NDUFAF2: variants seen among roughly 807,000 people sequenced by gnomAD.
The protein encoded by NDUFAF2 is NADH dehydrogenase [ubiquinone] 1 alpha subcomplex assembly factor 2.
Under a neutral mutation model 22.8 loss-of-function variants are expected in NDUFAF2, and 13 were observed. That is an observed-to-expected ratio of 0.57 (90% CI 0.37 to 0.91). The LOEUF (loss-of-function observed/expected upper bound fraction) is 0.91, where lower values mean the gene tolerates loss of function less well. NDUFAF2 is among the 40% of genes least tolerant of loss of function. The probability of loss-of-function intolerance (pLI) is 0.01; values close to 1 mark genes in which losing one functional copy is unlikely to be tolerated. For synonymous variants in NDUFAF2, 53 were observed against 64.2 expected (o/e 0.83, Z 0.84); for missense variants, 162 against 195.2 (o/e 0.83, Z 1.01).
At chr5:61,133,603 T>C (rs1753139494) in intron 3 of NDUFAF2, among the ~76,000 whole-genome samples, 1 of 152,230 alleles carries the variant, frequency 6.6e-6, no homozygotes, top group Non-Finnish European at 1.5e-5. Context: ...CCTTTATTAA[T>C]GATGGAATAT....
At chr5:61,096,121 A>G (rs1188373355) in intron 2 of NDUFAF2, among the ~76,000 whole-genome samples, 1 of 147,080 alleles carries the variant, frequency 6.8e-6, no homozygotes, top group Non-Finnish European at 1.5e-5. Flanking sequence ...AATAAAGATC[A>G]AAATCCTGAT....
chr5:60,945,564 G>C, intron 1 of NDUFAF2, 182 bp downstream of exon 1: 4 of 942,836 alleles, frequency 4.2e-6, no homozygotes, highest in Non-Finnish European at 6.5e-6. Flanking sequence ...GCCCTACCCG[G>C]CCCGGCTCTG....
intron 3 of NDUFAF2, among the ~76,000 whole-genome samples, chr5:61,126,965 TCCCACAGA>T (rs1289941435): frequency 3.3e-5 from 5 of 151,956 alleles, no homozygotes; most frequent in African/African-American, 1.2e-4. Context: ...TCACCACCGA[TCCCACAGA>T]AATACAAACT....
In NDUFAF2 at chr5:60,945,688, G is replaced by C. The variant is rs551527075; in HGVS notation, c.127+306G>C. 3.3e-5 allele frequency among the ~76,000 whole-genome samples: 5 copies of C among 152,322 alleles called. No homozygotes were observed. The East Asian group carries it at 9.7e-4, about 29-fold the overall frequency. On this transcript the variant is annotated intron_variant, in intron 1 of 3. Coordinates refer to ENST00000296597, the MANE Select transcript of NDUFAF2 (RefSeq NM_174889.5). ...GCACCACCACTTTCCTCCCAGCCAC[G>C]CCTGTAGAGGAGCCTCAGTTTTAGC...
At chr5:61,104,868 C>T (rs999063860) in intron 3 of NDUFAF2, among the ~76,000 whole-genome samples, 2 of 151,980 alleles carry the variant, frequency 1.3e-5, no homozygotes, top group Admixed American at 1.3e-4. Flanking sequence ...TTTCATGTTG[C>T]ATTCACCTTA....
chr5:61,012,372 G>A (rs992898412), intron 1 of NDUFAF2, among the ~76,000 whole-genome samples: 8 of 151,884 alleles, frequency 5.3e-5, no homozygotes, highest in Admixed American at 2.6e-4. Flanking sequence ...AATGAATTTT[G>A]TTGTTTCTTC....
intron 1 of NDUFAF2, among the ~76,000 whole-genome samples, chr5:60,951,751 C>T (rs1380756551): frequency 6.6e-6 from 1 of 151,878 alleles, no homozygotes; most frequent in East Asian, 1.9e-4. Flanking sequence ...TTTCTGGAAG[C>T]GTTTGTGAAG....
intron 3 of NDUFAF2, among the ~76,000 whole-genome samples, chr5:61,142,377 AAACTT>A (rs1219043393): frequency 6.6e-6 from 1 of 152,200 alleles, no homozygotes; most frequent in Non-Finnish European, 1.5e-5. Flanking sequence ...CAAAGAAAGA[AAACTT>A]AATGCCAGAA....
At position 61,117,720 on chromosome 5, in the gene NDUFAF2, T is replaced by C. The variant is rs570005156; in HGVS notation, c.258+18688T>C. On this transcript the variant is annotated intron_variant, in intron 3 of 3. Coordinates refer to ENST00000296597, the MANE Select transcript of NDUFAF2 (RefSeq NM_174889.5). Reference sequence around the variant, plus strand: ...GTTAAAAAGCACATATACAATGATATGGATGAGCAGTGGCAATTTTTTTCG... The same window carrying C: ...GTTAAAAAGCACATATACAATGATACGGATGAGCAGTGGCAATTTTTTTCG... Among the ~76,000 whole-genome samples, 22 of 152,218 alleles carry C rather than the reference T, an allele frequency of 1.4e-4. No individual in the cohort carries two copies. In the South Asian group the frequency reaches 3.5e-3, roughly 24 times the overall value.
intron 1 of NDUFAF2, among the ~76,000 whole-genome samples, chr5:60,975,584 A>C (rs775190973): frequency 3.3e-5 from 5 of 152,306 alleles, no homozygotes; most frequent in Middle Eastern, 3.4e-3. Context: ...ACTAGATGAG[A>C]TCTCCTACAG....
At chr5:61,038,088 A>AGAGAG (rs1561547893) in intron 1 of NDUFAF2, among the ~76,000 whole-genome samples, 1,005 of 77,806 alleles carry the variant, frequency 0.013, 32 homozygotes, top group African/African-American at 0.05. Context: ...GAGGCGGGGG[A>AGAGAG]AGAGAGAGAG....
chr5:61,082,129 A>AG (rs1752451154), intron 2 of NDUFAF2, among the ~76,000 whole-genome samples: 1 of 152,218 alleles, frequency 6.6e-6, no homozygotes, highest in Non-Finnish European at 1.5e-5. Context: ...GATTCACAGG[A>AG]GAAAAAAAAT....
intron 3 of NDUFAF2, among the ~76,000 whole-genome samples, chr5:61,107,046 T>TACACAC (rs59521177): frequency 0.074 from 9,187 of 123,846 alleles, 458 homozygotes; most frequent in African/African-American, 0.1. Context: ...TGGATAAATA[T>TACACAC]ACACACACAC....
At chr5:60,954,720 C>T (rs1008509581) in intron 1 of NDUFAF2, among the ~76,000 whole-genome samples, 1 of 151,210 alleles carries the variant, frequency 6.6e-6, no homozygotes, top group Non-Finnish European at 1.5e-5. Context: ...GCTAGGATTA[C>T]AGGCATGAGC....
chr5:60,950,243 A>G (rs889228719), intron 1 of NDUFAF2, among the ~76,000 whole-genome samples: 5 of 152,018 alleles, frequency 3.3e-5, no homozygotes, highest in Middle Eastern at 3.4e-3. Flanking sequence ...CTGGAGTGCA[A>G]TAGCGTGATC....
chr5:60,951,433 C>T (rs1276767064), intron 1 of NDUFAF2, among the ~76,000 whole-genome samples: 1 of 152,080 alleles, frequency 6.6e-6, no homozygotes, highest in Non-Finnish European at 1.5e-5. Context: ...CAAGTTTTGG[C>T]GATTATGAAT....
chr5:60,980,484 C>A (rs749667599), intron 1 of NDUFAF2, among the ~76,000 whole-genome samples: 6 of 152,032 alleles, frequency 3.9e-5, no homozygotes, highest in African/African-American at 1.4e-4. Flanking sequence ...TTAAAAAGAT[C>A]AAGCAGGGCA....
chr5:60,952,963 A>G (rs6887938), intron 1 of NDUFAF2, among the ~76,000 whole-genome samples: 7,174 of 152,196 alleles, frequency 0.047, 571 homozygotes, highest in African/African-American at 0.16. Context: ...AAAAAAGAGC[A>G]ATTAGCAAGC....
intron 2 of NDUFAF2, among the ~76,000 whole-genome samples, chr5:61,096,703 C>T (rs1409359192): frequency 6.6e-6 from 1 of 151,908 alleles, no homozygotes; most frequent in South Asian, 2.1e-4. Flanking sequence ...GTGGCTCACG[C>T]CTATAATTCC....
Sources: gnomAD v4.1 joint callset for allele counts (sites outside exome capture counted in the v4.1 genomes callset) on GRCh38, gnomAD v4.1.1 for gene constraint, MANE v1.5 for transcripts, NCBI Gene and HGNC (gene_info 2026-07-23, HGNC 2026-07-21) for gene names.